The following PTPRD variants were observed in gnomAD, a reference collection of about 807,000 sequenced individuals.
The protein encoded by PTPRD is receptor-type tyrosine-protein phosphatase delta.
In PTPRD, 34 loss-of-function variants were observed where a neutral mutation model predicts 214.5. That is an observed-to-expected ratio of 0.16 (90% CI 0.12 to 0.21). The LOEUF (loss-of-function observed/expected upper bound fraction) is 0.21. PTPRD is among the 10% of genes least tolerant of loss of function. The probability of loss-of-function intolerance (pLI) is 1.00; values close to 1 mark genes in which losing one functional copy is unlikely to be tolerated. For missense variants in PTPRD, 2,545 were observed against 2,398.7 expected (o/e 1.06, Z -1.27); for synonymous variants, 1,128 against 845.7 (o/e 1.33, Z -5.79).
intron 10 of PTPRD, among the ~76,000 whole-genome samples, chr9:9,027,044 C>T (rs941001159): frequency 1.3e-5 from 2 of 151,576 alleles, no homozygotes; most frequent in Admixed American, 1.3e-4. Flanking sequence ...ATACTCCCCT[C>T]TCTATCCTTG....
At chr9:8,411,049 G>A (rs186686595) in intron 35 of PTPRD, among the ~76,000 whole-genome samples, 1 of 151,844 alleles carries the variant, frequency 6.6e-6, no homozygotes, top group East Asian at 1.9e-4. Context: ...AATCTAACGT[G>A]GATTAAAAAT....
intron 11 of PTPRD, among the ~76,000 whole-genome samples, chr9:8,794,972 C>G (rs1177544532): frequency 6.6e-6 from 1 of 150,986 alleles, no homozygotes; most frequent in Non-Finnish European, 1.5e-5. Context: ...TATTTGGAAC[C>G]CAATTTTAAA....
intron 11 of PTPRD, among the ~76,000 whole-genome samples, chr9:8,768,794 T>C (rs1339096124): frequency 6.6e-6 from 1 of 152,148 alleles, no homozygotes; most frequent in Non-Finnish European, 1.5e-5. Flanking sequence ...GAATTTATAA[T>C]CTGGAATTAA....
rs191778862 is a variant in PTPRD at position 9,619,642 on chromosome 9, T to G, written c.-286-44861A>C. Reference sequence around the variant, plus strand: ...ATATAATAATCTATATGTTAATATTTATATTGTATAGAAATATTTTAATAT... The same window carrying G: ...ATATAATAATCTATATGTTAATATTGATATTGTATAGAAATATTTTAATAT... On this transcript the variant is annotated intron_variant, in intron 7 of 45. Transcript: ENST00000381196. Among the ~76,000 whole-genome samples the G allele has an allele frequency of 1.2e-3, 176 of 145,660 alleles. 1 individual carries two copies. Among genetic ancestry groups the G allele is most frequent in the African/African-American group, 4.2e-3 (169 of 40,418 alleles).
At chr9:9,874,772 T>C (rs976141793) in intron 5 of PTPRD, among the ~76,000 whole-genome samples, 5 of 152,214 alleles carry the variant, frequency 3.3e-5, no homozygotes, top group Non-Finnish European at 5.9e-5. Flanking sequence ...CATGTACTTG[T>C]GAAATTCCTG....
intron 14 of PTPRD, among the ~76,000 whole-genome samples, chr9:8,541,939 C>T (rs957985567): frequency 6.6e-6 from 1 of 151,964 alleles, no homozygotes; most frequent in Non-Finnish European, 1.5e-5. Context: ...ATAACCCAAT[C>T]AAAGTAAAAC....
At chr9:10,406,914 C>T (rs1359100) in intron 2 of PTPRD, among the ~76,000 whole-genome samples, 1 of 151,280 alleles carries the variant, frequency 6.6e-6, no homozygotes. Context: ...CACCTATTTA[C>T]TGATTTACTA....
chr9:9,435,874 G>A (rs2085043946), intron 8 of PTPRD, among the ~76,000 whole-genome samples: 1 of 152,062 alleles, frequency 6.6e-6, no homozygotes, highest in Non-Finnish European at 1.5e-5. Context: ...ATTTAATATT[G>A]TTGAAAAGCA....
At chr9:8,898,268 T>TC (rs1041337439) in intron 11 of PTPRD, among the ~76,000 whole-genome samples, 5 of 152,044 alleles carry the variant, frequency 3.3e-5, no homozygotes, top group African/African-American at 1.2e-4. Context: ...ACTTTTTTTT[T>TC]TCTTTTAAAA....
intron 2 of PTPRD, among the ~76,000 whole-genome samples, chr9:10,438,640 C>T (rs2098738301): frequency 6.6e-6 from 1 of 151,564 alleles, no homozygotes; most frequent in Non-Finnish European, 1.5e-5. Flanking sequence ...TTATATAATT[C>T]CTATTTCAGC....
intron 43 of PTPRD, among the ~76,000 whole-genome samples, chr9:8,335,321 T>A (rs1240633285): frequency 1.3e-5 from 2 of 152,052 alleles, no homozygotes; most frequent in African/African-American, 4.8e-5. Context: ...ATCCCTGGGA[T>A]GCAAGGCTTG....
chr9:9,169,862 T>G (rs1006327618), intron 10 of PTPRD, among the ~76,000 whole-genome samples: 1 of 152,166 alleles, frequency 6.6e-6, no homozygotes, highest in African/African-American at 2.4e-5. Context: ...ACTTCCTGGT[T>G]AGCCTAATGA....
At chr9:9,284,440 G>A (rs1026981791) in intron 9 of PTPRD, among the ~76,000 whole-genome samples, 3 of 151,588 alleles carry the variant, frequency 2.0e-5, no homozygotes, top group Non-Finnish European at 2.9e-5. Flanking sequence ...ATAGTCAGAT[G>A]TCTCCAGAAC....
At position 10,014,719 on chromosome 9, in the gene PTPRD, A is replaced by C. The variant is rs2154111261; in HGVS notation, c.-472+18999T>G. On this transcript the variant is annotated intron_variant, in intron 4 of 45. Transcript: ENST00000381196. ...AAGGAGAGAAACACTTTGATTTGGA[A>C]CAAATGCATATTTTTAATTATCCAT... 3.3e-5 allele frequency among the ~76,000 whole-genome samples: 5 copies of C among 152,166 alleles called. No individual in the cohort carries two copies. In the South Asian group the frequency reaches 1.0e-3, roughly 32 times the overall value.
chr9:8,670,052 G>C (rs937831865), intron 12 of PTPRD, among the ~76,000 whole-genome samples: 2 of 151,158 alleles, frequency 1.3e-5, no homozygotes, highest in African/African-American at 4.9e-5. Context: ...AGTAAGACAA[G>C]TGAGTAAATT....
intron 3 of PTPRD, among the ~76,000 whole-genome samples, chr9:10,051,945 C>CTTTTTG (rs2097543049): frequency 6.6e-6 from 1 of 151,988 alleles, no homozygotes; most frequent in Non-Finnish European, 1.5e-5. Flanking sequence ...AGGCTCCTCT[C>CTTTTTG]TTTTTGTTTT....
chr9:10,458,769 C>G (rs1238451125), intron 2 of PTPRD, among the ~76,000 whole-genome samples: 3 of 150,338 alleles, frequency 2.0e-5, no homozygotes, highest in African/African-American at 7.4e-5. Context: ...CAAATGATAC[C>G]CTTTATGTAG....
At chr9:9,595,547 TG>T (rs2093267590) in intron 7 of PTPRD, among the ~76,000 whole-genome samples, 1 of 38,538 alleles carries the variant, frequency 2.6e-5, no homozygotes, top group Non-Finnish European at 7.4e-5. Context: ...TATGTATGTG[TG>T]TTTGTGTGTG....
intron 2 of PTPRD, among the ~76,000 whole-genome samples, chr9:10,604,246 T>C (rs555375056): frequency 3.4e-4 from 51 of 151,956 alleles, no homozygotes; most frequent in Non-Finnish European, 1.0e-4. Context: ...ACCAAAGCAT[T>C]CTTGAATATG....
Sources: allele counts gnomAD v4.1 joint callset (sites outside exome capture counted in the v4.1 genomes callset), GRCh38; gene constraint gnomAD v4.1.1; transcripts MANE v1.5; gene names NCBI Gene and HGNC (gene_info 2026-07-23, HGNC 2026-07-21).